The following RABEPK variants were observed in gnomAD, a reference collection of about 807,000 sequenced individuals.
RABEPK encodes the protein 40 kDa Rab9 effector protein.
A neutral mutation model predicts 34.1 loss-of-function variants in RABEPK; 27 were observed. The ratio of observed to expected loss-of-function variants is 0.79; its 90% CI spans 0.58 to 1.09. The LOEUF is 1.09. RABEPK is among the 50% of genes least tolerant of loss of function. The pLI, the probability that RABEPK is intolerant of heterozygous loss-of-function variation, is 0.00. For synonymous variants in RABEPK, 172 were observed against 169.2 expected (o/e 1.02, Z -0.13); for missense variants, 449 against 462.6 (o/e 0.97, Z 0.27).
In RABEPK at chr9:125,226,149, C is replaced by CA. The variant is rs56728571; in HGVS notation, c.527-1743dup. ...TGGGTAAGAGAGTAAGACTTTGTCTCAAAAAAAAAAAAAAAAAATTAGCTG... is the reference window on the plus strand; with the variant it reads ...TGGGTAAGAGAGTAAGACTTTGTCTCAAAAAAAAAAAAAAAAAAATTAGCTG... On this transcript the variant is annotated intron_variant, in intron 5 of 7. Coordinates refer to ENST00000373538, the MANE Select transcript of RABEPK (RefSeq NM_005833.4). Among the ~76,000 whole-genome samples the CA allele has an allele frequency of 5.4e-3, 517 of 96,394 alleles. 2 individuals are homozygous for CA. The highest frequency in any genetic ancestry group is 0.031 in the Middle Eastern group (6 of 192). The allele number at this position is 96,394 out of a possible 152,430, so 63.2% of individuals were successfully genotyped here.
At chr9:125,205,428 T>C (rs1289938192) in intron 2 of RABEPK, among the ~76,000 whole-genome samples, 1 of 152,220 alleles carries the variant, frequency 6.6e-6, no homozygotes, top group Non-Finnish European at 1.5e-5. Flanking sequence ...TAACCTTTCT[T>C]AGCTTCAGTT....
At chr9:125,218,078 G>A (rs143460776) in intron 4 of RABEPK, among the ~76,000 whole-genome samples, 4 of 151,664 alleles carry the variant, frequency 2.6e-5, no homozygotes, top group Admixed American at 6.6e-5. Context: ...TTGGGAGGCC[G>A]AGGCGGGCAG....
intron 4 of RABEPK, among the ~76,000 whole-genome samples, chr9:125,215,823 T>C (rs1017578158): frequency 1.3e-5 from 2 of 152,218 alleles, no homozygotes; most frequent in Non-Finnish European, 2.9e-5. Flanking sequence ...GGTAAAATAC[T>C]GTGAACCTTT....
chr9:125,224,333 T>G (rs554152943), intron 5 of RABEPK, among the ~76,000 whole-genome samples: 78 of 152,254 alleles, frequency 5.1e-4, no homozygotes, highest in African/African-American at 1.8e-3. Flanking sequence ...GGGTTGCCTG[T>G]AGTAAAACGT....
intron 4 of RABEPK, among the ~76,000 whole-genome samples, chr9:125,219,446 G>A (rs1831173688): frequency 6.6e-6 from 1 of 151,812 alleles, no homozygotes; most frequent in Admixed American, 6.6e-5. Flanking sequence ...CCAGGCTGGA[G>A]TGCAGTGGCA....
At chr9:125,204,705 T>C (rs1830108597) in intron 2 of RABEPK, among the ~76,000 whole-genome samples, 1 of 152,244 alleles carries the variant, frequency 6.6e-6, no homozygotes, top group African/African-American at 2.4e-5. Flanking sequence ...CTCTTCTTTA[T>C]TGTGCCCTTT....
At chr9:125,203,259 T>C (rs1830018226) in intron 2 of RABEPK, among the ~76,000 whole-genome samples, 193 bp downstream of exon 2, 1 of 152,204 alleles carries the variant, frequency 6.6e-6, no homozygotes, top group Non-Finnish European at 1.5e-5. Context: ...ACAGAGCAGA[T>C]GTTAATTTTA....
chr9:125,202,961 A>G, intron 1 of RABEPK, 47 bp from the exon 2 acceptor site: 6 of 1,490,494 alleles, frequency 4.0e-6, no homozygotes, highest in Non-Finnish European at 5.6e-6. Context: ...ATTGATTAAG[A>G]TGATAATCAT....
intron 2 of RABEPK, among the ~76,000 whole-genome samples, chr9:125,206,326 C>T (rs554813623): frequency 6.6e-6 from 1 of 152,142 alleles, no homozygotes; most frequent in South Asian, 2.1e-4. Context: ...AGTGAAACCC[C>T]ATCTCTACTA....
intron 1 of RABEPK, among the ~76,000 whole-genome samples, chr9:125,202,056 C>CA (rs967259877): frequency 3.3e-4 from 50 of 150,076 alleles, no homozygotes; most frequent in Middle Eastern, 3.5e-3. Flanking sequence ...ACGAAAAATA[C>CA]AAAAAAAATT....
At chr9:125,220,804 T>C in intron 5 of RABEPK, 104 bp downstream of exon 5, 2 of 1,351,788 alleles carry the variant, frequency 1.5e-6, no homozygotes, top group Non-Finnish European at 2.0e-6. Context: ...ACTAAGTGTC[T>C]CACTTCTAGA....
intron 4 of RABEPK, among the ~76,000 whole-genome samples, chr9:125,214,859 CG>C (rs1483969531): frequency 7.0e-6 from 1 of 143,686 alleles, no homozygotes; most frequent in Non-Finnish European, 1.5e-5. Context: ...GGTGTGATCT[CG>C]GCTCACCACA....
chr9:125,227,839 G>T (rs568089752), intron 5 of RABEPK, 71 bp from the exon 6 acceptor site: 2 of 1,442,370 alleles, frequency 1.4e-6, no homozygotes, highest in South Asian at 2.9e-5. Context: ...GTGCTACAGA[G>T]GCTTGGGCCT....
chr9:125,210,349 A>G (rs1830503856), intron 3 of RABEPK, among the ~76,000 whole-genome samples: 1 of 139,980 alleles, frequency 7.1e-6, no homozygotes, highest in Admixed American at 7.8e-5. Context: ...GCTTGCAGTG[A>G]GTGGAGATCG....
intron 5 of RABEPK, chr9:125,220,925 G>A (rs1831288223): frequency 4.1e-6 from 2 of 482,362 alleles, no homozygotes; most frequent in Non-Finnish European, 6.8e-6. Flanking sequence ...CCAGAGCTTT[G>A]GAAGGCTGAG....
At chr9:125,202,671 A>C (rs1451466616) in intron 1 of RABEPK, among the ~76,000 whole-genome samples, 1 of 151,946 alleles carries the variant, frequency 6.6e-6, no homozygotes, top group African/African-American at 2.4e-5. Flanking sequence ...CTCTACTAAA[A>C]ATAGAAAAAT....
chr9:125,224,241 A>C (rs962486210), intron 5 of RABEPK, among the ~76,000 whole-genome samples: 1 of 151,828 alleles, frequency 6.6e-6, no homozygotes, highest in African/African-American at 2.4e-5. Flanking sequence ...GAGTTTTTGC[A>C]GTACTCCTTT....
chr9:125,217,604 C>G (rs1831011526), intron 4 of RABEPK, among the ~76,000 whole-genome samples: 1 of 152,044 alleles, frequency 6.6e-6, no homozygotes, highest in Non-Finnish European at 1.5e-5. Context: ...TATCATATCC[C>G]TTTTCTCTCC....
chr9:125,203,097 G>T, intron 2 of RABEPK, 31 bp downstream of exon 2: 2 of 1,592,934 alleles, frequency 1.3e-6, no homozygotes, highest in Non-Finnish European at 1.7e-6. Context: ...ACACAGAAAA[G>T]CATGAGTTTT....
Sources: allele counts gnomAD v4.1 joint callset (sites outside exome capture counted in the v4.1 genomes callset), GRCh38; gene constraint gnomAD v4.1.1; transcripts MANE v1.5; gene names NCBI Gene and HGNC (gene_info 2026-07-23, HGNC 2026-07-21).